STK36: variants seen among roughly 807,000 people sequenced by gnomAD.
STK36 encodes serine/threonine kinase 36.
STK36 carries 116 observed loss-of-function variants against 142.2 expected under a neutral mutation model. The ratio of observed to expected loss-of-function variants is 0.82; its 90% CI spans 0.70 to 0.95. STK36 has a LOEUF of 0.95. Among genes scored for constraint, STK36 ranks in the 40% least tolerant of loss-of-function variants. The pLI is 0.00. For synonymous variants in STK36, 619 were observed against 641.7 expected (o/e 0.96, Z 0.53); for missense variants, 1,422 against 1,617.2 (o/e 0.88, Z 2.07).
intron 5 of STK36, among the ~76,000 whole-genome samples, chr2:218,675,752 G>T (rs1372870780): frequency 6.6e-6 from 1 of 152,050 alleles, no homozygotes; most frequent in Non-Finnish European, 1.5e-5. Context: ...TCGAACTCCT[G>T]ACCTCAGGTG....
At chr2:218,684,106 CTTTTTTTTT>C (rs35807157) in intron 10 of STK36, among the ~76,000 whole-genome samples, 42 of 105,176 alleles carry the variant, frequency 4.0e-4, no homozygotes, top group African/African-American at 1.5e-3. Flanking sequence ...GCCTCACGAT[CTTTTTTTTT>C]TTTTTTTTTT....
chr2:218,684,989 A>G lies in STK36; in HGVS notation c.1237-96A>G, dbSNP rs993192521. Reference sequence around the variant, plus strand: ...GCTAAAGGGGTCACTGGCTCCTTGCAGTTACTTCATGATTCCCCATGGTTT... The same window carrying G: ...GCTAAAGGGGTCACTGGCTCCTTGCGGTTACTTCATGATTCCCCATGGTTT... On this transcript the variant is annotated intron_variant, in intron 10 of 26. Coordinates refer to ENST00000295709, the MANE Select transcript of STK36 (RefSeq NM_015690.5). 4.0e-6 allele frequency: 6 copies of G among 1,501,072 alleles called. No homozygotes were observed. The African/African-American group carries it at 5.5e-5, about 14-fold the overall frequency. 93.0% of individuals were successfully genotyped at this position (1,501,072 alleles called of 1,614,324 possible). A position where few individuals can be genotyped will look rare whatever the true frequency, so the allele number is the denominator to read the frequency against.
chr2:218,681,482 T>C (rs1237627981), intron 10 of STK36, among the ~76,000 whole-genome samples: 1 of 152,222 alleles, frequency 6.6e-6, no homozygotes, highest in Non-Finnish European at 1.5e-5. Flanking sequence ...TAAAATAATT[T>C]CAAACTTAAA....
In STK36 at chr2:218,679,154, T is replaced by A; in HGVS notation, c.685-14T>A. The A allele has an allele frequency of 6.2e-7, 1 of 1,613,262 alleles. No individual in the cohort carries two copies. On this transcript the variant is annotated splice_polypyrimidine_tract_variant and intron_variant, in intron 6 of 26. Transcript: ENST00000295709. ...GGGAAAGAATGACTGATGGAATATTTTTTCTCTCTGTAGAACTTCCTGCAG... is the reference window on the plus strand; with the variant it reads ...GGGAAAGAATGACTGATGGAATATTATTTCTCTCTGTAGAACTTCCTGCAG...
chr2:218,679,609 C>T lies in STK36; in HGVS notation c.828C>T (p.Arg276=), dbSNP rs377186719. 94 of 1,614,072 alleles carry T rather than the reference C, an allele frequency of 5.8e-5. No homozygotes were observed. The highest frequency in any genetic ancestry group is 7.5e-5 in the Non-Finnish European group (89 of 1,180,046). Residue 276 remains arginine, a synonymous_variant, in exon 8 of 27, where the codon CGC becomes CGT. Coordinates refer to ENST00000295709, the MANE Select transcript of STK36 (RefSeq NM_015690.5). ...GPDLGTPFTS[R]LPPELQVLKD... ...ATTTGGGGACCCCATTCACCAGCCG[C>T]CTACCCCCAGAACTTCAGGTCCTAA...
chr2:218,676,218 G>C lies in STK36; in HGVS notation c.624G>C (p.Leu208=). 6.2e-7 allele frequency: 1 copy of C among 1,614,102 alleles called. No homozygotes were observed. Among genetic ancestry groups the C allele is most frequent in the Non-Finnish European group, 8.5e-7 (1 of 1,180,026 alleles). ...TCTATGCTACAAGCATCTTTCAGCT[G>C]GTCAGCCTCATTCTCAAGGACCCTG... ...PPFYATSIFQ[L]VSLILKDPVR... Residue 208 remains leucine (L), a synonymous_variant, in exon 6 of 27, where the codon CTG becomes CTC. Coordinates refer to ENST00000295709, the MANE Select transcript of STK36 (RefSeq NM_015690.5).
intron 4 of STK36, among the ~76,000 whole-genome samples, chr2:218,674,398 T>G (rs995300337): frequency 6.6e-6 from 1 of 151,936 alleles, no homozygotes; most frequent in Admixed American, 6.6e-5. Context: ...ATAAAGGTTG[T>G]GGGGAGTCAG....
At chr2:218,695,734 C>T (rs1251001185) in intron 21 of STK36, among the ~76,000 whole-genome samples, 14 of 151,328 alleles carry the variant, frequency 9.3e-5, no homozygotes, top group Admixed American at 1.3e-4. Flanking sequence ...GATGGGGTTT[C>T]ACCATGTTGG....
intron 11 of STK36, among the ~76,000 whole-genome samples, chr2:218,687,605 A>C (rs1351824559): frequency 1.3e-5 from 2 of 152,182 alleles, no homozygotes; most frequent in East Asian, 3.8e-4. Flanking sequence ...GTGGGGAGGC[A>C]GACTGAAAGC....
At chr2:218,685,649 C>T (rs1416131275) in intron 11 of STK36, among the ~76,000 whole-genome samples, 2 of 152,034 alleles carry the variant, frequency 1.3e-5, no homozygotes, top group African/African-American at 2.4e-5. Flanking sequence ...GGTTATTTTG[C>T]GGGGGAGAGG....
In STK36 at chr2:218,699,283, C is replaced by T. The variant is rs751010203; in HGVS notation, c.3739C>T (p.Pro1247Ser). Reference protein sequence around the residue: ...LLEMACGDPQPNVKEAALIAL... With the variant: ...LLEMACGDPQSNVKEAALIAL... ...AGAAATGGCATGTGGAGACCCCCAG[C>T]CAAATGTGAAGGAGGCTGCCCTCAT... Residue 1247 changes from proline to serine, a missense_variant, in exon 26 of 27, where the codon CCA becomes TCA. Physicochemically the swap from Pro to Ser is moderately conservative, Grantham distance 74. This residue lies in a region of STK36 where 962 missense variants were observed against 1,167.5 expected (regional missense o/e 0.82). Coordinates refer to ENST00000295709, the MANE Select transcript of STK36 (RefSeq NM_015690.5). 3.7e-6 allele frequency: 6 copies of T among 1,614,080 alleles called. No individual in the cohort carries two copies. The South Asian group carries it at 5.5e-5, about 15-fold the overall frequency.
chr2:218,693,542 C>A (rs1047590134), intron 17 of STK36, among the ~76,000 whole-genome samples, 181 bp from the exon 18 acceptor site: 1 of 152,190 alleles, frequency 6.6e-6, no homozygotes, highest in Non-Finnish European at 1.5e-5. Context: ...CAGTCCTCAG[C>A]GGAACCGAGA....
intron 1 of STK36, 60 bp from the exon 2 acceptor site, chr2:218,672,681 T>C (rs1489751056): frequency 2.4e-5 from 16 of 680,206 alleles, no homozygotes; most frequent in Non-Finnish European, 2.6e-6. Flanking sequence ...TGAGGCTTTA[T>C]TGTGAAAAAG....
Position 218,673,657 on chromosome 2 carries a change from G to A in STK36, c.117G>A (p.Gly39=), listed in dbSNP as rs745861424. ...VVALKFIPKL[G]RSEKELRNLQ... The stretch of plus-strand genomic sequence containing the variant: ...CCCTGAAGTTCATCCCAAAATTGGG[G>A]CGCTCAGAGAAGGAGCTGAGGAATT... Residue 39 remains glycine (G), a synonymous_variant, in exon 3 of 27, where the codon GGG becomes GGA. Transcript: ENST00000295709. 1 of 1,614,166 alleles carries A rather than the reference G, an allele frequency of 6.2e-7. No individual in the cohort carries two copies. The highest frequency in any genetic ancestry group is 8.5e-7 in the Non-Finnish European group (1 of 1,180,024).
In STK36 at chr2:218,697,230, A is replaced by G; in HGVS notation, c.2761+17A>G. On this transcript the variant is annotated intron_variant, in intron 23 of 26. Transcript: ENST00000295709. The stretch of plus-strand genomic sequence containing the variant: ...CTCCCCAGGGTATCTTTCTATCAGT[A>G]TCCTTTTTGGGAGTGCATTGATCTC... 6.2e-7 allele frequency: 1 copy of G among 1,606,234 alleles called. No individual in the cohort carries two copies. Among genetic ancestry groups the G allele is most frequent in the Non-Finnish European group, 8.5e-7 (1 of 1,176,740 alleles).
Position 218,689,961 on chromosome 2 carries a change from G to C in STK36, c.1658+5G>C. On this transcript the variant is annotated splice_donor_5th_base_variant and intron_variant, in intron 13 of 26. Transcript: ENST00000295709. ...GAGGAGCCAGACAAGTGACAGGTAG[G>C]ATAAGAAGTGCTTTTGCATTGTTGG... The C allele has an allele frequency of 6.3e-7, 1 of 1,576,424 alleles. No individual in the cohort carries two copies. Among genetic ancestry groups the C allele is most frequent in the Non-Finnish European group, 8.6e-7 (1 of 1,159,028 alleles).
chr2:218,695,411 A>G (rs534725521), intron 21 of STK36, among the ~76,000 whole-genome samples: 1 of 148,984 alleles, frequency 6.7e-6, no homozygotes, highest in South Asian at 2.1e-4. Flanking sequence ...TTTTTAGTAG[A>G]GACAGGGTTT....
intron 3 of STK36, 22 bp from the exon 4 acceptor site, chr2:218,673,857 T>A (rs1940105314): frequency 6.2e-7 from 1 of 1,614,206 alleles, no homozygotes; most frequent in Non-Finnish European, 8.5e-7. Context: ...GAGCCATCAG[T>A]GCCACTGCCT....
chr2:218,672,720 C>T, intron 1 of STK36, 21 bp from the exon 2 acceptor site: 1 of 1,038,508 alleles, frequency 9.6e-7, no homozygotes, highest in Non-Finnish European at 1.5e-6. Context: ...TAACATTTTT[C>T]CTTTCCCGTG....
Sources: gnomAD v4.1 joint callset for allele counts (sites outside exome capture counted in the v4.1 genomes callset) on GRCh38, gnomAD v4.1.1 for gene constraint, gnomAD v4.1.1 regional missense constraint, MANE v1.5 for transcripts, NCBI Gene and HGNC (gene_info 2026-07-23, HGNC 2026-07-21) for gene names.